EZR: variants seen among roughly 807,000 people sequenced by gnomAD.
The protein encoded by EZR is ezrin.
Under a neutral mutation model 74.8 loss-of-function variants are expected in EZR, and 40 were observed. That is an observed-to-expected ratio of 0.53 (90% CI 0.42 to 0.70). EZR has a LOEUF of 0.70. EZR is among the 30% of genes least tolerant of loss of function. The probability of loss-of-function intolerance (pLI) is 0.00; values close to 1 mark genes in which losing one functional copy is unlikely to be tolerated. For synonymous variants in EZR, 341 were observed against 283.3 expected (o/e 1.20, Z -2.05); for missense variants, 678 against 755.8 (o/e 0.90, Z 1.21).
chr6:158,805,231 C>T (rs117845856), intron 2 of EZR, among the ~76,000 whole-genome samples: 8,346 of 149,642 alleles, frequency 0.056, 298 homozygotes, highest in Non-Finnish European at 0.078. Flanking sequence ...CCCAGCTACT[C>T]GTGGGGCTGA....
In EZR at chr6:158,770,867, C is replaced by T; in HGVS notation, c.987G>A (p.Arg329=). ...CTTTCTCTCTCTCCACGGTTTCTCTCCTTTTCTTCTCTGTTTCCAGCTGTT... is the reference window on the plus strand; with the variant it reads ...CTTTCTCTCTCTCCACGGTTTCTCTTCTTTTCTTCTCTGTTTCCAGCTGTT... ...ERQQLETEKK[R]RETVEREKEQ... Residue 329 remains arginine, a synonymous_variant, in exon 10 of 14, where the codon AGG becomes AGA. Coordinates refer to ENST00000367075, the MANE Select transcript of EZR (RefSeq NM_001111077.2). 1 of 1,614,238 alleles carries T rather than the reference C, an allele frequency of 6.2e-7. No homozygotes were observed. Among genetic ancestry groups the T allele is most frequent in the Non-Finnish European group, 8.5e-7 (1 of 1,180,034 alleles).
intron 5 of EZR, 23 bp downstream of exon 5, chr6:158,785,286 A>G (rs760139057): frequency 3.7e-6 from 6 of 1,609,110 alleles, no homozygotes; most frequent in Non-Finnish European, 5.1e-6. Flanking sequence ...GCTCCTGCCC[A>G]GGCCGGGTCA....
rs554498845 is a variant in EZR, at chr6:158,771,411, C to A, written c.796-4G>T. On this transcript the variant is annotated splice_region_variant and splice_polypyrimidine_tract_variant and intron_variant, in intron 8 of 13. Transcript: ENST00000367075. ...GTGGGGCATAAAACACAAAGTCCTA[C>A]AAAACAGAACAGGGCCACCTGGACT... The A allele has an allele frequency of 8.6e-5, 138 of 1,595,704 alleles. 1 individual carries two copies. The South Asian group carries it at 1.5e-3, about 17-fold the overall frequency.
chr6:158,772,527 A>T (rs960765023), intron 8 of EZR, among the ~76,000 whole-genome samples: 2 of 152,200 alleles, frequency 1.3e-5, no homozygotes, highest in Admixed American at 6.5e-5. Flanking sequence ...GTGCCTTGCA[A>T]GACCACAACC....
chr6:158,783,700 G>T (rs1791489879), intron 6 of EZR, 34 bp from the exon 7 acceptor site: 1 of 1,604,376 alleles, frequency 6.2e-7, no homozygotes, highest in Non-Finnish European at 8.5e-7. Flanking sequence ...CAGAGTCACT[G>T]GTAGCACTCA....
At chr6:158,799,152 T>C (rs1777138534) in intron 2 of EZR, among the ~76,000 whole-genome samples, 1 of 152,122 alleles carries the variant, frequency 6.6e-6, no homozygotes, top group Non-Finnish European at 1.5e-5. Flanking sequence ...TTAAGACATA[T>C]GGCCAGCTGT....
chr6:158,793,148 C>T (rs924969459), intron 2 of EZR, among the ~76,000 whole-genome samples: 2 of 150,990 alleles, frequency 1.3e-5, no homozygotes, highest in Non-Finnish European at 3.0e-5. Flanking sequence ...AGTCAAGACC[C>T]CATCTCTCTA....
At chr6:158,803,566 T>A (rs12195909) in intron 2 of EZR, among the ~76,000 whole-genome samples, 7 of 5,224 alleles carry the variant, frequency 1.3e-3, no homozygotes, top group African/African-American at 2.5e-3. Context: ...TATATATATA[T>A]ATATATATAT....
At chr6:158,777,801 G>A (rs894133546) in intron 7 of EZR, among the ~76,000 whole-genome samples, 3 of 152,104 alleles carry the variant, frequency 2.0e-5, no homozygotes, top group Admixed American at 6.5e-5. Flanking sequence ...CAGTCATGGT[G>A]TGCCTGCAGG....
At chr6:158,817,934 A>G (rs1777595293) in intron 2 of EZR, 148 bp downstream of exon 2, 3 of 609,910 alleles carry the variant, frequency 4.9e-6, no homozygotes, top group South Asian at 6.3e-5. Context: ...AGTAACAAAG[A>G]GCGGCGAAAA....
intron 8 of EZR, among the ~76,000 whole-genome samples, chr6:158,772,805 A>G (rs1433775088): frequency 6.6e-6 from 1 of 152,238 alleles, no homozygotes; most frequent in Admixed American, 6.5e-5. Context: ...AAACAAAAAA[A>G]CAGTGCGATA....
chr6:158,787,936 C>CG (rs1252264092), intron 3 of EZR, among the ~76,000 whole-genome samples: 1 of 152,178 alleles, frequency 6.6e-6, no homozygotes, highest in Non-Finnish European at 1.5e-5. Flanking sequence ...CTTAGTCTCA[C>CG]GACTGTCTTG....
rs2128564934 is a variant in EZR, at chr6:158,769,918, G to T, written c.1117C>A (p.Leu373Met). Reference protein sequence around the residue: ...RELSEQIQRALQLEEERKRAQ... With the variant: ...RELSEQIQRAMQLEEERKRAQ... The stretch of plus-strand genomic sequence containing the variant: ...CGCTTCCTCTCCTCCTCCAGCTGCA[G>T]GGCCCTCTGAATCTGCTCCGAGAGC... Residue 373 changes from leucine to methionine, a missense_variant, in exon 11 of 14, where the codon CTG (leucine) becomes ATG (methionine). Physicochemically the swap from Leu to Met is conservative, Grantham distance 15. This residue lies in a region of EZR where 342 missense variants were observed against 341.2 expected (regional missense o/e 1.00). Transcript: ENST00000367075. The T allele has an allele frequency of 6.2e-7, 1 of 1,612,234 alleles. No homozygotes were observed.
intron 8 of EZR, among the ~76,000 whole-genome samples, chr6:158,773,035 C>G (rs1252609274): frequency 6.6e-6 from 1 of 152,126 alleles, no homozygotes; most frequent in Non-Finnish European, 1.5e-5. Flanking sequence ...AGGGAGGAGT[C>G]TGTGGAGCTG....
At chr6:158,771,433 G>A (rs200254933) in intron 8 of EZR, 26 bp from the exon 9 acceptor site, 141 of 1,554,418 alleles carry the variant, frequency 9.1e-5, no homozygotes, top group Non-Finnish European at 1.1e-4. Context: ...GGGCCACCTG[G>A]ACTCAAGCTC....
At chr6:158,799,694 C>T (rs1000688132) in intron 2 of EZR, among the ~76,000 whole-genome samples, 1 of 152,224 alleles carries the variant, frequency 6.6e-6, no homozygotes, top group African/African-American at 2.4e-5. Context: ...TAAAACATTA[C>T]CATTGACTTA....
At position 158,784,747 on chromosome 6, in the gene EZR, A is replaced by G. The variant is rs757010720; in HGVS notation, c.468-20T>C. 7 of 1,609,096 alleles carry G rather than the reference A, an allele frequency of 4.4e-6. No homozygotes were observed. In the Admixed American group the frequency reaches 1.2e-4, roughly 27 times the overall value. On this transcript the variant is annotated intron_variant, in intron 5 of 13. Coordinates refer to ENST00000367075, the MANE Select transcript of EZR (RefSeq NM_001111077.2). Reference sequence around the variant, plus strand: ...ATCACTCTGGAATGCAAAAGGAAACAGCACTGTCATCCTTAAGGAATGTGA... The same window carrying G: ...ATCACTCTGGAATGCAAAAGGAAACGGCACTGTCATCCTTAAGGAATGTGA...
chr6:158,767,581 C>T, intron 12 of EZR, 69 bp from the exon 13 acceptor site: 1 of 1,475,940 alleles, frequency 6.8e-7, no homozygotes, highest in Non-Finnish European at 9.1e-7. Flanking sequence ...TGAGAACAGA[C>T]TGTCACCTCC....
intron 8 of EZR, among the ~76,000 whole-genome samples, chr6:158,775,052 T>TTTTTA (rs1791234530): frequency 6.7e-6 from 1 of 149,660 alleles, no homozygotes; most frequent in Non-Finnish European, 1.5e-5. Context: ...TTTTTTTTTT[T>TTTTTA]GAGACGGAGT....
Sources: allele counts gnomAD v4.1 joint callset (sites outside exome capture counted in the v4.1 genomes callset), GRCh38; gene constraint gnomAD v4.1.1; regional missense constraint gnomAD v4.1.1; transcripts MANE v1.5; gene names NCBI Gene and HGNC (gene_info 2026-07-23, HGNC 2026-07-21).